CMIP: variants seen among roughly 807,000 people sequenced by gnomAD.
The protein encoded by CMIP is c-Maf inducing protein.
A neutral mutation model predicts 97.3 loss-of-function variants in CMIP; 13 were observed. The observed-to-expected ratio is 0.13, with a 90% CI of 0.09 to 0.21. CMIP has a LOEUF of 0.21. Among genes scored for constraint, CMIP ranks in the 10% least tolerant of loss-of-function variants. The pLI is 1.00. For missense variants in CMIP, 847 were observed against 1,024.9 expected (o/e 0.83, Z 2.37); for synonymous variants, 538 against 436.3 (o/e 1.23, Z -2.91).
At chr16:81,658,247 G>A (rs1355925988) in intron 5 of CMIP, among the ~76,000 whole-genome samples, 1 of 152,216 alleles carries the variant, frequency 6.6e-6, no homozygotes, top group Admixed American at 6.5e-5. Flanking sequence ...AAAGTGAGAT[G>A]CTATTTTCTG....
chr16:81,663,819 CT>C (rs2092573927), intron 6 of CMIP, among the ~76,000 whole-genome samples: 1 of 152,110 alleles, frequency 6.6e-6, no homozygotes, highest in Non-Finnish European at 1.5e-5. Flanking sequence ...ACTTTACCCC[CT>C]GCCCAGGGAG....
intron 4 of CMIP, among the ~76,000 whole-genome samples, chr16:81,653,471 GTGT>G (rs1280380532): frequency 3.9e-5 from 6 of 152,380 alleles, no homozygotes; most frequent in African/African-American, 1.4e-4. Context: ...GAGGTCAGAG[GTGT>G]TGTCCTCAGT....
chr16:81,596,563 C>T (rs1382053601), intron 1 of CMIP, among the ~76,000 whole-genome samples: 1 of 149,112 alleles, frequency 6.7e-6, no homozygotes, highest in African/African-American at 2.5e-5. Flanking sequence ...CAAAAGAGTA[C>T]ACACATTGTA....
At chr16:81,685,812 C>T (rs936839579) in intron 10 of CMIP, among the ~76,000 whole-genome samples, 2 of 152,036 alleles carry the variant, frequency 1.3e-5, no homozygotes, top group African/African-American at 4.8e-5. Flanking sequence ...AATCCTCCCG[C>T]CTCAGCCTCC....
intron 10 of CMIP, among the ~76,000 whole-genome samples, chr16:81,691,036 TCTA>T (rs1246434524): frequency 2.6e-5 from 4 of 152,316 alleles, no homozygotes; most frequent in Admixed American, 1.3e-4. Flanking sequence ...TATGATTCTG[TCTA>T]TAGAATTTTC....
At position 81,652,201 on chromosome 16, in the gene CMIP, A is replaced by G; in HGVS notation, c.478-2A>G. 6.2e-7 allele frequency: 1 copy of G among 1,610,592 alleles called. No individual in the cohort carries two copies. Among genetic ancestry groups the G allele is most frequent in the Non-Finnish European group, 8.5e-7 (1 of 1,177,280 alleles). On this transcript the variant is annotated splice_acceptor_variant, in intron 3 of 20. Coordinates refer to ENST00000537098, the MANE Select transcript of CMIP (RefSeq NM_198390.3). LOFTEE classifies it high-confidence loss of function. This position sits in a 1 kb window ranked among gnomAD's most constrained non-coding sequence, Gnocchi z 5.2. ...TGCTGTCTCTTTATCTCTTTCAACCAGAAAAAGATTTACAAATATAAGAAA... is the reference window on the plus strand; with the variant it reads ...TGCTGTCTCTTTATCTCTTTCAACCGGAAAAAGATTTACAAATATAAGAAA...
intron 18 of CMIP, among the ~76,000 whole-genome samples, chr16:81,705,026 A>C (rs1032016582): frequency 6.6e-6 from 1 of 152,008 alleles, no homozygotes; most frequent in African/African-American, 2.4e-5. Context: ...TGTGAACTGC[A>C]CTGCTCAGTA....
intron 1 of CMIP, among the ~76,000 whole-genome samples, chr16:81,488,213 G>C (rs768713570): frequency 2.6e-5 from 4 of 152,102 alleles, no homozygotes; most frequent in Non-Finnish European, 5.9e-5. Context: ...CACCGAAGCT[G>C]AGAGAGTGCG....
chr16:81,564,299 G>A (rs1037545264), intron 1 of CMIP, among the ~76,000 whole-genome samples: 1 of 152,218 alleles, frequency 6.6e-6, no homozygotes, highest in African/African-American at 2.4e-5. Flanking sequence ...CACTTAAGGT[G>A]CCTTTCTTGG....
intron 1 of CMIP, among the ~76,000 whole-genome samples, chr16:81,591,459 C>T (rs1254302966): frequency 1.3e-5 from 2 of 152,206 alleles, no homozygotes; most frequent in Non-Finnish European, 2.9e-5. Context: ...TCTTTCCATA[C>T]TGGCATCTGG....
At chr16:81,561,830 T>TACATTTCAGATGCTCAGTAGCC (rs2090889716) in intron 1 of CMIP, among the ~76,000 whole-genome samples, 1 of 152,230 alleles carries the variant, frequency 6.6e-6, no homozygotes, top group African/African-American at 2.4e-5. Flanking sequence ...TTTCAGTAGG[T>TACATTTCAGATGCTCAGTAGCC]ACATTTCAGA....
chr16:81,556,657 G>C (rs1381167110), intron 1 of CMIP, among the ~76,000 whole-genome samples: 1 of 152,220 alleles, frequency 6.6e-6, no homozygotes, highest in Middle Eastern at 3.2e-3. Context: ...AGATGAGAAA[G>C]CTCTGGAGGC....
chr16:81,446,559 G>A (rs1182602051), intron 1 of CMIP, among the ~76,000 whole-genome samples: 1 of 151,932 alleles, frequency 6.6e-6, no homozygotes, highest in African/African-American at 2.4e-5. Flanking sequence ...CATTGGGGGT[G>A]TAGCTTGTCT....
At position 81,708,815 on chromosome 16, in the gene CMIP, T is replaced by G. The variant is rs191260483; in HGVS notation, c.2269-931T>G. ...TGGCTGCAGGTCCCCACCTGTAACC[T>G]CTGCCTGGGCAGTGGGGAGCCATTG... On this transcript the variant is annotated intron_variant, in intron 20 of 20. Transcript: ENST00000537098. 4.9e-4 allele frequency among the ~76,000 whole-genome samples: 75 copies of G among 152,326 alleles called. 1 individual carries two copies. Among genetic ancestry groups the G allele is most frequent in the African/African-American group, 1.7e-3 (69 of 41,584 alleles).
rs578065654 is a variant in CMIP, at chr16:81,675,359, ACACCTGG to A, written c.1035-2914_1035-2908del. Among the ~76,000 whole-genome samples the A allele has an allele frequency of 2.0e-3, 286 of 145,808 alleles. 1 individual carries two copies. Among genetic ancestry groups the A allele is most frequent in the African/African-American group, 6.9e-3 (273 of 39,742 alleles). ...GCTGGGATTACAGGTGTGCACTGCC[ACACCTGG>A]CTAATTTTTTTTTTTTTTTTTTTTG... On this transcript the variant is annotated intron_variant, in intron 9 of 20. Coordinates refer to ENST00000537098, the MANE Select transcript of CMIP (RefSeq NM_198390.3).
chr16:81,638,990 A>C (rs1040081288), intron 3 of CMIP, among the ~76,000 whole-genome samples: 4 of 152,160 alleles, frequency 2.6e-5, no homozygotes, highest in Non-Finnish European at 5.9e-5. Flanking sequence ...CGCCGGGATT[A>C]GGACCGTGTG....
chr16:81,654,606 C>G (rs1316246751), intron 4 of CMIP, among the ~76,000 whole-genome samples: 1 of 152,196 alleles, frequency 6.6e-6, no homozygotes, highest in Non-Finnish European at 1.5e-5. Context: ...CTGCCTGACC[C>G]GGCATCCACT....
intron 3 of CMIP, 68 bp downstream of exon 3, chr16:81,620,994 G>C: frequency 1.5e-5 from 24 of 1,588,912 alleles, no homozygotes; most frequent in Non-Finnish European, 2.1e-5. Context: ...AAGCCAATCT[G>C]TCACCCAGAG....
At position 81,655,334 on chromosome 16, in the gene CMIP, G is replaced by T. The variant is rs996314474; in HGVS notation, c.640-2441G>T. Among the ~76,000 whole-genome samples the T allele has an allele frequency of 6.6e-6, 1 of 152,174 alleles. No individual in the cohort carries two copies. On this transcript the variant is annotated intron_variant, in intron 4 of 20. Coordinates refer to ENST00000537098, the MANE Select transcript of CMIP (RefSeq NM_198390.3). The surrounding 1 kb of genome is among the most constrained non-coding windows in gnomAD (Gnocchi z 4.9). ...AGGTGGAAGGATCTGGAGGGAGCAG[G>T]CAGAGGGGCATCGTGGAGGGAGCTG...
Sources: allele counts gnomAD v4.1 joint callset (sites outside exome capture counted in the v4.1 genomes callset), GRCh38; gene constraint gnomAD v4.1.1; non-coding constraint Gnocchi (gnomAD v3.1); transcripts MANE v1.5; gene names NCBI Gene and HGNC (gene_info 2026-07-23, HGNC 2026-07-21).